The following EPB41L5 variants were observed in gnomAD, a reference collection of about 807,000 sequenced individuals.
EPB41L5 encodes the protein erythrocyte membrane protein band 4.1 like 5, also known as band 4.1-like protein 5.
EPB41L5 carries 55 observed loss-of-function variants against 106.6 expected under a neutral mutation model. That is an observed-to-expected ratio of 0.52 (90% CI 0.42 to 0.65). The LOEUF (loss-of-function observed/expected upper bound fraction) is 0.65. Ranked by LOEUF, EPB41L5 falls within the 30% of genes least tolerant of loss-of-function variation. The pLI is 0.00. For synonymous variants in EPB41L5, 297 were observed against 306.7 expected (o/e 0.97, Z 0.33); for missense variants, 871 against 882.1 (o/e 0.99, Z 0.16).
chr2:120,056,529 A>G lies in EPB41L5; in HGVS notation c.285+14419A>G, dbSNP rs577944115. On this transcript the variant is annotated intron_variant, in intron 3 of 24. Transcript: ENST00000263713. ...GTCCAGGCTGGTCTTGAACTCCTGT[A>G]TGCAAGCGATCCTTTTGCCTCAGCC... Among the ~76,000 whole-genome samples the G allele has an allele frequency of 9.9e-5, 15 of 152,074 alleles. 1 individual carries two copies. In the South Asian group the frequency reaches 2.3e-3, roughly 23 times the overall value.
At chr2:120,118,204 A>G (rs1221017483) in intron 16 of EPB41L5, among the ~76,000 whole-genome samples, 2 of 152,170 alleles carry the variant, frequency 1.3e-5, no homozygotes, top group Non-Finnish European at 2.9e-5. Context: ...ATGAAATCTA[A>G]TTTTGTTATT....
intron 3 of EPB41L5, among the ~76,000 whole-genome samples, chr2:120,046,828 A>G (rs981756455): frequency 1.1e-4 from 17 of 152,012 alleles, no homozygotes; most frequent in African/African-American, 1.7e-4. Context: ...ATCTTGAATT[A>G]ATTTTTGTAT....
At chr2:120,169,534 ATAT>A (rs1223575515) in intron 24 of EPB41L5, among the ~76,000 whole-genome samples, 1 of 152,166 alleles carries the variant, frequency 6.6e-6, no homozygotes, top group Non-Finnish European at 1.5e-5. Context: ...TAATTTCAAG[ATAT>A]TATGGAAGGG....
At chr2:120,079,274 C>A (rs186909803) in intron 10 of EPB41L5, among the ~76,000 whole-genome samples, 1 of 152,172 alleles carries the variant, frequency 6.6e-6, no homozygotes, top group Admixed American at 6.6e-5. Flanking sequence ...TAGCCCACTA[C>A]GTATATTTTT....
At chr2:120,103,557 C>T (rs554984454) in intron 16 of EPB41L5, among the ~76,000 whole-genome samples, 1 of 152,240 alleles carries the variant, frequency 6.6e-6, no homozygotes, top group South Asian at 2.1e-4. Context: ...TTTTAGTGCT[C>T]TTTCTGAATT....
chr2:120,042,792 G>A (rs1220168649), intron 3 of EPB41L5, among the ~76,000 whole-genome samples: 1 of 152,104 alleles, frequency 6.6e-6, no homozygotes, highest in African/African-American at 2.4e-5. Context: ...GGATTAGGTA[G>A]TCTTCAAGCA....
chr2:120,137,282 C>T (rs1359075390), intron 18 of EPB41L5, among the ~76,000 whole-genome samples: 2 of 151,954 alleles, frequency 1.3e-5, no homozygotes, highest in Non-Finnish European at 2.9e-5. Context: ...TTCAGATAAA[C>T]AGCCTAATGA....
intron 21 of EPB41L5, among the ~76,000 whole-genome samples, chr2:120,161,255 A>G (rs946786024): frequency 8.6e-5 from 13 of 151,996 alleles, no homozygotes; most frequent in Non-Finnish European, 1.8e-4. Context: ...GCATGTGCCT[A>G]TGGTCCCAGC....
intron 13 of EPB41L5, among the ~76,000 whole-genome samples, chr2:120,092,540 CTGAATTTGCATTAAAA>C (rs1185704908): frequency 1.3e-5 from 2 of 152,098 alleles, no homozygotes; most frequent in African/African-American, 2.4e-5. Context: ...TGGTTTTAAA[CTGAATTTGCATTAAAA>C]TGAATTTGCA....
At position 120,072,880 on chromosome 2, in the gene EPB41L5, C is replaced by T. The variant is rs112199712; in HGVS notation, c.286-298C>T. Reference sequence around the variant, plus strand: ...AACCACCATGGCATGTGTATACTTACGTAACAAACCTGCACGTTCTGCACA... The same window carrying T: ...AACCACCATGGCATGTGTATACTTATGTAACAAACCTGCACGTTCTGCACA... On this transcript the variant is annotated intron_variant, in intron 3 of 24. Coordinates refer to ENST00000263713, the MANE Select transcript of EPB41L5 (RefSeq NM_020909.4). 6.5e-3 allele frequency among the ~76,000 whole-genome samples: 979 copies of T among 150,936 alleles called. 15 individuals carry two copies. Among genetic ancestry groups the T allele is most frequent in the African/African-American group, 0.021 (870 of 41,084 alleles).
chr2:120,105,980 C>G, intron 16 of EPB41L5: 1 of 985,362 alleles, frequency 1.0e-6, no homozygotes, highest in Non-Finnish European at 1.2e-6. Context: ...TTTGACTTCA[C>G]TCACTTTAAA....
chr2:120,018,342 C>T (rs1677686597), intron 1 of EPB41L5, among the ~76,000 whole-genome samples: 1 of 152,034 alleles, frequency 6.6e-6, no homozygotes, highest in Non-Finnish European at 1.5e-5. Flanking sequence ...AGATGTTGTA[C>T]ATATAATTTA....
chr2:120,018,112 T>A (rs1301313988), intron 1 of EPB41L5, among the ~76,000 whole-genome samples: 1 of 151,496 alleles, frequency 6.6e-6, no homozygotes, highest in Non-Finnish European at 1.5e-5. Flanking sequence ...AGGCGCCTGC[T>A]ACCACGCCCG....
intron 24 of EPB41L5, among the ~76,000 whole-genome samples, chr2:120,170,966 G>A (rs1687647843): frequency 6.6e-6 from 1 of 152,170 alleles, no homozygotes; most frequent in Non-Finnish European, 1.5e-5. Context: ...TGTTCAAGCT[G>A]TAAACTCATG....
Position 120,131,664 on chromosome 2 carries a change from C to G in EPB41L5, c.1548C>G (p.Asn516Lys). 4 of 1,613,604 alleles carry G rather than the reference C, an allele frequency of 2.5e-6. No homozygotes were observed. The highest frequency in any genetic ancestry group is 3.4e-6 in the Non-Finnish European group (4 of 1,179,846). Residue 516 changes from asparagine to lysine, a missense_variant, in exon 18 of 25, where the codon AAC (asparagine) becomes AAG (lysine). Asn to Lys is a moderately conservative substitution (Grantham distance 94). Transcript: ENST00000263713. ...AGCTCAAACAGCTTGAGATGGAGAA[C>G]AGTCCTTTGCTGTCCCCTCGATCCA... Reference protein sequence around the residue: ...SEKLKQLEMENSPLLSPRSNI... With the variant: ...SEKLKQLEMEKSPLLSPRSNI...
intron 14 of EPB41L5, among the ~76,000 whole-genome samples, chr2:120,099,453 A>G (rs1433094570): frequency 2.0e-5 from 3 of 148,366 alleles, no homozygotes; most frequent in South Asian, 2.1e-4. Flanking sequence ...TTTGAGATGG[A>G]GTCTCGCCCT....
rs1277878075 is a variant in EPB41L5, at chr2:120,178,343, G to A, written c.*3436G>A. 2 of 152,128 alleles carry A rather than the reference G, an allele frequency of 1.3e-5. No homozygotes were observed. Among genetic ancestry groups the A allele is most frequent in the Non-Finnish European group, 2.9e-5 (2 of 68,040 alleles). The allele number at this position is 152,128 out of a possible 1,614,324, so 9.4% of individuals were successfully genotyped here. ...ATTCACACATGTGGCAGCTGAACGA[G>A]GTGCTGTTGTGGGTGTCTCAGCTCT... On this transcript the variant is annotated 3_prime_UTR_variant, in exon 25 of 25. Transcript: ENST00000263713.
At chr2:120,021,411 G>A (rs188268093) in intron 2 of EPB41L5, among the ~76,000 whole-genome samples, 9 of 152,206 alleles carry the variant, frequency 5.9e-5, no homozygotes, top group South Asian at 2.1e-4. Flanking sequence ...TTGGGAGGCC[G>A]AGGTGGGCGG....
chr2:120,053,246 A>G (rs1680408577), intron 3 of EPB41L5, among the ~76,000 whole-genome samples: 1 of 152,196 alleles, frequency 6.6e-6, no homozygotes, highest in Non-Finnish European at 1.5e-5. Context: ...GGTTTGGAGT[A>G]GGAAGCTTAA....
Sources: allele counts gnomAD v4.1 joint callset (sites outside exome capture counted in the v4.1 genomes callset), GRCh38; gene constraint gnomAD v4.1.1; transcripts MANE v1.5; gene names NCBI Gene and HGNC (gene_info 2026-07-23, HGNC 2026-07-21).